TTLL11: variants seen among roughly 807,000 people sequenced by gnomAD.
TTLL11 encodes the protein tubulin polyglutamylase TTLL11.
A neutral mutation model predicts 51.7 loss-of-function variants in TTLL11; 42 were observed. The observed-to-expected ratio is 0.81, with a 90% CI of 0.64 to 1.05. The LOEUF (loss-of-function observed/expected upper bound fraction) is 1.05, where lower values mean the gene tolerates loss of function less well. TTLL11 is among the 50% of genes least tolerant of loss of function. The probability of loss-of-function intolerance (pLI) is 0.00; values close to 1 mark genes in which losing one functional copy is unlikely to be tolerated. For missense variants in TTLL11, 799 were observed against 940.4 expected, an observed-to-expected ratio of 0.85 and a Z score of 1.97; for synonymous variants, 381 against 383.5, an observed-to-expected ratio of 0.99 and a Z score of 0.08.
chr9:121,969,994 T>C (rs1392452335), intron 6 of TTLL11, among the ~76,000 whole-genome samples: 1 of 152,222 alleles, frequency 6.6e-6, no homozygotes, highest in African/African-American at 2.4e-5. Context: ...AGTACTTTCA[T>C]GGATAATCCT....
At position 121,818,179 on chromosome 9, in the gene TTLL11, T is replaced by A. The variant is rs538453392; in HGVS notation, c.*4408A>T. Reference sequence around the variant, plus strand: ...CCAGCCTGGTGTCCTGTCTGTGAGATTGAATGGGAGGGGGTGCCCATGGGT... The same window carrying A: ...CCAGCCTGGTGTCCTGTCTGTGAGAATGAATGGGAGGGGGTGCCCATGGGT... On this transcript the variant is annotated 3_prime_UTR_variant, in exon 9 of 9. Transcript: ENST00000321582. 7.9e-5 allele frequency: 12 copies of A among 152,224 alleles called. No individual in the cohort carries two copies. Among genetic ancestry groups the A allele is most frequent in the African/African-American group, 2.9e-4 (12 of 41,334 alleles). 9.4% of individuals were successfully genotyped at this position (152,224 alleles called of 1,614,324 possible).
chr9:121,897,671 A>T (rs1052830858), intron 6 of TTLL11, among the ~76,000 whole-genome samples: 13 of 105,326 alleles, frequency 1.2e-4, no homozygotes, highest in African/African-American at 3.6e-4. Flanking sequence ...CTGCCCCGGG[A>T]GGGTGTTCTC....
intron 2 of TTLL11, among the ~76,000 whole-genome samples, chr9:122,038,751 C>A (rs1844766720): frequency 6.6e-6 from 1 of 152,148 alleles, no homozygotes; most frequent in Non-Finnish European, 1.5e-5. Context: ...GCTTTTCTAG[C>A]ACTAAGATTT....
intron 2 of TTLL11, among the ~76,000 whole-genome samples, chr9:122,033,643 GA>G (rs1564368045): frequency 6.6e-6 from 1 of 152,164 alleles, no homozygotes; most frequent in East Asian, 1.9e-4. Flanking sequence ...CGTTCAGAAA[GA>G]AAAGGGTAAA....
intron 3 of TTLL11, among the ~76,000 whole-genome samples, chr9:122,017,884 T>A (rs1291520098): frequency 6.6e-6 from 1 of 152,172 alleles, no homozygotes; most frequent in Non-Finnish European, 1.5e-5. Flanking sequence ...TAATCCCATG[T>A]TTTTAAAGAA....
At chr9:122,035,048 C>A (rs187257787) in intron 2 of TTLL11, among the ~76,000 whole-genome samples, 1 of 152,304 alleles carries the variant, frequency 6.6e-6, no homozygotes, top group East Asian at 1.9e-4. Flanking sequence ...TGTTGGTGAC[C>A]TTATCTTTTG....
intron 3 of TTLL11, among the ~76,000 whole-genome samples, chr9:122,014,581 T>A (rs7862087): frequency 6.6e-6 from 1 of 152,002 alleles, no homozygotes; most frequent in Non-Finnish European, 1.5e-5. Flanking sequence ...GGACCCTTCA[T>A]TGGAAGCCAA....
intron 6 of TTLL11, among the ~76,000 whole-genome samples, chr9:121,932,089 T>C (rs1295513694): frequency 6.6e-6 from 1 of 152,178 alleles, no homozygotes; most frequent in East Asian, 1.9e-4. Flanking sequence ...CTGCATCCAA[T>C]GTCCTACATA....
At chr9:121,928,702 G>A (rs180787446) in intron 6 of TTLL11, among the ~76,000 whole-genome samples, 7 of 152,016 alleles carry the variant, frequency 4.6e-5, no homozygotes, top group Admixed American at 3.3e-4. Context: ...GCCTCCCAAA[G>A]TGCTGGGATT....
chr9:121,833,975 A>G (rs188425868), intron 8 of TTLL11, among the ~76,000 whole-genome samples: 37 of 152,274 alleles, frequency 2.4e-4, no homozygotes, highest in Non-Finnish European at 1.2e-4. Context: ...TTACTCACCT[A>G]GAAGAGATGT....
intron 6 of TTLL11, among the ~76,000 whole-genome samples, chr9:121,952,323 G>C (rs1588149641): frequency 6.6e-6 from 1 of 151,946 alleles, no homozygotes; most frequent in South Asian, 2.1e-4. Context: ...GCACACACCT[G>C]TAGTCCCAGC....
At chr9:121,829,985 T>C (rs369002916) in intron 8 of TTLL11, among the ~76,000 whole-genome samples, 3 of 152,210 alleles carry the variant, frequency 2.0e-5, no homozygotes, top group African/African-American at 7.2e-5. Context: ...GTCTCTCTAA[T>C]GAGACTCTGC....
intron 6 of TTLL11, among the ~76,000 whole-genome samples, chr9:121,921,718 G>C (rs1840552178): frequency 6.6e-6 from 1 of 152,208 alleles, no homozygotes; most frequent in African/African-American, 2.4e-5. Context: ...GTTAGACAAA[G>C]AGGGAGCAGG....
chr9:121,987,695 T>G (rs1012575008), intron 4 of TTLL11, among the ~76,000 whole-genome samples: 40 of 152,280 alleles, frequency 2.6e-4, no homozygotes, highest in African/African-American at 9.4e-4. Context: ...CACCTCATCC[T>G]TGCCATTCCG....
intron 6 of TTLL11, among the ~76,000 whole-genome samples, chr9:121,873,373 C>G (rs891987056): frequency 7.1e-6 from 1 of 140,514 alleles, no homozygotes; most frequent in Admixed American, 7.3e-5. Flanking sequence ...TACTGTAATT[C>G]TTCTTCTCCT....
At chr9:121,975,341 A>G (rs1331376343) in intron 4 of TTLL11, among the ~76,000 whole-genome samples, 1 of 152,110 alleles carries the variant, frequency 6.6e-6, no homozygotes, top group Non-Finnish European at 1.5e-5. Context: ...GTGGCTTCTT[A>G]GCTAGCTCTC....
At chr9:122,043,556 A>G (rs1844906888) in intron 1 of TTLL11, among the ~76,000 whole-genome samples, 1 of 152,204 alleles carries the variant, frequency 6.6e-6, no homozygotes, top group East Asian at 1.9e-4. Context: ...GAAAAGCTTC[A>G]TAACACTAGA....
At chr9:121,862,610 T>C (rs1356197617) in intron 7 of TTLL11, among the ~76,000 whole-genome samples, 3 of 152,188 alleles carry the variant, frequency 2.0e-5, no homozygotes, top group Non-Finnish European at 4.4e-5. Flanking sequence ...GGGCTCTCTC[T>C]TCAGACTGGA....
intron 1 of TTLL11, among the ~76,000 whole-genome samples, chr9:122,090,723 C>T (rs1846237033): frequency 6.6e-6 from 1 of 152,118 alleles, no homozygotes. Context: ...AAACAAAGCC[C>T]CTGCCCTCAT....
Sources: gnomAD v4.1 joint callset for allele counts (sites outside exome capture counted in the v4.1 genomes callset) on GRCh38, gnomAD v4.1.1 for gene constraint, MANE v1.5 for transcripts, NCBI Gene and HGNC (gene_info 2026-07-23, HGNC 2026-07-21) for gene names.